Variants in PREP observed in about 807,000 individuals in gnomAD.
PREP encodes the protein prolyl endopeptidase.
PREP carries 29 observed loss-of-function variants against 87.6 expected under a neutral mutation model. The ratio of observed to expected loss-of-function variants is 0.33; its 90% CI spans 0.25 to 0.45. PREP has a LOEUF of 0.45. Ranked by LOEUF, PREP falls within the 20% of genes least tolerant of loss-of-function variation. PREP has a pLI of 1.00. For missense variants in PREP, 695 were observed against 886.5 expected (o/e 0.78, Z 2.74); for synonymous variants, 337 against 328.6 (o/e 1.03, Z -0.28).
chr6:105,386,846 T>C (rs1046245478), intron 2 of PREP, among the ~76,000 whole-genome samples: 26 of 152,192 alleles, frequency 1.7e-4, no homozygotes, highest in African/African-American at 6.0e-4. Context: ...GTGATTTTTA[T>C]GGCTAAGCAC....
At chr6:105,344,287 C>T (rs1407564946) in intron 7 of PREP, among the ~76,000 whole-genome samples, 2 of 152,028 alleles carry the variant, frequency 1.3e-5, no homozygotes, top group Non-Finnish European at 2.9e-5. Context: ...GTCAGGAGAT[C>T]GAGACCATCT....
At position 105,277,826 on chromosome 6, in the gene PREP, G is replaced by GACTATGATCCTTAA; in HGVS notation, c.*304_*317dup. On this transcript the variant is annotated 3_prime_UTR_variant, in exon 15 of 15. Transcript: ENST00000652536. The stretch of plus-strand genomic sequence containing the variant: ...GTTATGGATATAGATAAGTATGCCC[G>GACTATGATCCTTAA]ACTATGATCCTTAATTCAGCAATCT... 1 of 343,262 alleles carries GACTATGATCCTTAA rather than the reference G, an allele frequency of 2.9e-6. No individual in the cohort carries two copies. The highest frequency in any genetic ancestry group is 6.0e-5 in the East Asian group (1 of 16,768). 21.3% of individuals were successfully genotyped at this position (343,262 alleles called of 1,614,324 possible). A position where few individuals can be genotyped will look rare whatever the true frequency, so the allele number is the denominator to read the frequency against.
chr6:105,368,593 G>GGCA (rs1772456095), intron 6 of PREP, among the ~76,000 whole-genome samples: 1 of 152,146 alleles, frequency 6.6e-6, no homozygotes, highest in Admixed American at 6.5e-5. Context: ...ACCTCTGAGA[G>GGCA]GCAGGATTCT....
In PREP at chr6:105,275,080, C is replaced by A. The variant is rs553050981; in HGVS notation, c.*3064G>T. ...TGGCTCAATGTTCCTCCTTCAAGGGCCTCAGTCCTCATCCCACTGGCCTGA... is the reference window on the plus strand; with the variant it reads ...TGGCTCAATGTTCCTCCTTCAAGGGACTCAGTCCTCATCCCACTGGCCTGA... On this transcript the variant is annotated 3_prime_UTR_variant, in exon 15 of 15. Coordinates refer to ENST00000652536, the MANE Select transcript of PREP (RefSeq NM_002726.5). Among the ~76,000 whole-genome samples the A allele has an allele frequency of 6.6e-6, 1 of 152,172 alleles. No individual in the cohort carries two copies. The highest frequency in any genetic ancestry group is 1.5e-5 in the Non-Finnish European group (1 of 68,020).
chr6:105,366,309 T>A (rs1772381859), intron 6 of PREP, among the ~76,000 whole-genome samples: 1 of 152,196 alleles, frequency 6.6e-6, no homozygotes, highest in South Asian at 2.1e-4. Flanking sequence ...AATTTTTGTG[T>A]GCCCTTTCCT....
Position 105,397,185 on chromosome 6 carries a change from C to CCAAAAAAAA in PREP, c.120+667_120+668insTTTTTTTTG, listed in dbSNP as rs775026045. On this transcript the variant is annotated intron_variant, in intron 2 of 14. Coordinates refer to ENST00000652536, the MANE Select transcript of PREP (RefSeq NM_002726.5). ...GGGTGACAGAGTAAGACTCTGTCTACAAAAAAAAAAAAAAAAAGTATACAT... is the reference window on the plus strand; with the variant it reads ...GGGTGACAGAGTAAGACTCTGTCTACCAAAAAAAAAAAAAAAAAAAAAAAAAGTATACAT... Among the ~76,000 whole-genome samples, 55 of 86,826 alleles carry CCAAAAAAAA rather than the reference C, an allele frequency of 6.3e-4. 6 individuals carry two copies. Among genetic ancestry groups the CCAAAAAAAA allele is most frequent in the African/African-American group, 1.8e-3 (48 of 27,010 alleles). The allele number at this position is 86,826 out of a possible 152,430, so 57.0% of individuals were successfully genotyped here.
At chr6:105,381,884 C>T (rs908039130) in intron 2 of PREP, among the ~76,000 whole-genome samples, 2 of 152,054 alleles carry the variant, frequency 1.3e-5, no homozygotes, top group Admixed American at 6.5e-5. Context: ...GTGAAGTGTT[C>T]GTACTGCAAT....
intron 10 of PREP, among the ~76,000 whole-genome samples, chr6:105,297,831 C>G (rs1261536219): frequency 6.6e-6 from 1 of 152,154 alleles, no homozygotes; most frequent in Non-Finnish European, 1.5e-5. Flanking sequence ...CCTGGCACCC[C>G]CTTTCACCTT....
chr6:105,397,812 G>T, intron 2 of PREP, 41 bp downstream of exon 2: 1 of 1,439,048 alleles, frequency 6.9e-7, no homozygotes, highest in Non-Finnish European at 9.8e-7. Context: ...TTTGGTGCTA[G>T]CTACTAAGGC....
intron 10 of PREP, among the ~76,000 whole-genome samples, chr6:105,310,720 T>C (rs759479088): frequency 2.0e-5 from 3 of 152,236 alleles, no homozygotes; most frequent in Non-Finnish European, 2.9e-5. Flanking sequence ...CCACTCTTTA[T>C]ATGCTCTGCA....
chr6:105,363,137 T>A (rs1417424399), intron 6 of PREP, among the ~76,000 whole-genome samples: 1 of 151,948 alleles, frequency 6.6e-6, no homozygotes, highest in Admixed American at 6.6e-5. Flanking sequence ...ATACTAAGAT[T>A]CAGGATTACT....
intron 9 of PREP, 29 bp from the exon 10 acceptor site, chr6:105,323,797 T>A (rs769854191): frequency 1.9e-6 from 3 of 1,547,868 alleles, no homozygotes; most frequent in Non-Finnish European, 2.7e-6. Context: ...CTTGGTTTAG[T>A]CTACGGGACT....
At chr6:105,395,843 G>A (rs980936072) in intron 2 of PREP, among the ~76,000 whole-genome samples, 1 of 152,206 alleles carries the variant, frequency 6.6e-6, no homozygotes, top group Non-Finnish European at 1.5e-5. Flanking sequence ...CAGGTCCTTA[G>A]AGACAGTTTT....
chr6:105,323,044 G>C (rs1307389714), intron 10 of PREP: 1 of 1,304,048 alleles, frequency 7.7e-7, no homozygotes, highest in East Asian at 5.6e-5. Flanking sequence ...CAAAGGAACA[G>C]AGACATTCTT....
intron 6 of PREP, 32 bp from the exon 7 acceptor site, chr6:105,353,109 T>A (rs1388193573): frequency 3.4e-6 from 5 of 1,477,990 alleles, no homozygotes; most frequent in Non-Finnish European, 4.7e-6. Context: ...TGCAGGGGAC[T>A]AATTAGAATT....
intron 2 of PREP, among the ~76,000 whole-genome samples, chr6:105,384,733 C>T (rs1463859836): frequency 6.6e-6 from 1 of 152,134 alleles, no homozygotes; most frequent in African/African-American, 2.4e-5. Context: ...GAGAAGTTAT[C>T]TCAACTTAAG....
At chr6:105,355,977 T>C (rs886087661) in intron 6 of PREP, among the ~76,000 whole-genome samples, 8 of 152,226 alleles carry the variant, frequency 5.3e-5, no homozygotes, top group African/African-American at 7.2e-5. Flanking sequence ...CTCTAAAAAG[T>C]ATTTTTTTAT....
chr6:105,383,043 G>A (rs564936055), intron 2 of PREP, among the ~76,000 whole-genome samples: 1 of 152,266 alleles, frequency 6.6e-6, no homozygotes, highest in African/African-American at 2.4e-5. Flanking sequence ...TCCAAGTACA[G>A]GGACAGCCCC....
Position 105,281,797 on chromosome 6 carries a change from G to A in PREP, c.1787C>T (p.Thr596Ile), listed in dbSNP as rs1352546042. Residue 596 changes from threonine to isoleucine, a missense_variant, in exon 14 of 15, where the codon ACC becomes ATC. Around this residue, in one of 5 missense-constraint regions of PREP, gnomAD observed 121 missense variants for 154.8 expected, o/e 0.78. Coordinates refer to ENST00000652536, the MANE Select transcript of PREP (RefSeq NM_002726.5). ...GCTGTCCGAGCACCCATAATCAGTG[G>A]TCCAAGCATGGCCGATGGTATATTT... ...FHKYTIGHAWTTDYGCSDSKQ... is the reference protein window; with the variant it reads ...FHKYTIGHAWITDYGCSDSKQ... The A allele has an allele frequency of 6.2e-7, 1 of 1,614,162 alleles. No homozygotes were observed. Among genetic ancestry groups the A allele is most frequent in the Non-Finnish European group, 8.5e-7 (1 of 1,180,014 alleles).
Sources: gnomAD v4.1 joint callset for allele counts (sites outside exome capture counted in the v4.1 genomes callset) on GRCh38, gnomAD v4.1.1 for gene constraint, gnomAD v4.1.1 regional missense constraint, MANE v1.5 for transcripts, NCBI Gene and HGNC (gene_info 2026-07-23, HGNC 2026-07-21) for gene names.